The following RABGAP1L variants were observed in gnomAD, a reference collection of about 807,000 sequenced individuals.
RABGAP1L encodes the protein rab GTPase-activating protein 1-like.
In RABGAP1L, 63 loss-of-function variants were observed where a neutral mutation model predicts 137.7. The observed-to-expected ratio is 0.46, with a 90% CI of 0.37 to 0.56. RABGAP1L has a LOEUF of 0.56. Ranked by LOEUF, RABGAP1L falls within the 20% of genes least tolerant of loss-of-function variation. The pLI, the probability that RABGAP1L is intolerant of heterozygous loss-of-function variation, is 0.00. For missense variants in RABGAP1L, 1,095 were observed against 1,244.0 expected (o/e 0.88, Z 1.80); for synonymous variants, 431 against 433.7 (o/e 0.99, Z 0.08).
intron 10 of RABGAP1L, among the ~76,000 whole-genome samples, chr1:174,279,404 A>G (rs1220295263): frequency 2.0e-5 from 3 of 152,176 alleles, no homozygotes; most frequent in Admixed American, 6.5e-5. Context: ...AAATCAGGAT[A>G]AAAATGCTCT....
chr1:174,459,676 C>T (rs1462007599), intron 13 of RABGAP1L, among the ~76,000 whole-genome samples: 6 of 151,944 alleles, frequency 3.9e-5, no homozygotes, highest in Non-Finnish European at 5.9e-5. Context: ...AACACAGATG[C>T]GACCATCCAT....
At chr1:174,198,266 A>G (rs1223271204) in intron 1 of RABGAP1L, among the ~76,000 whole-genome samples, 1 of 152,174 alleles carries the variant, frequency 6.6e-6, no homozygotes, top group African/African-American at 2.4e-5. Flanking sequence ...TCCATAGTGT[A>G]TATGGTTTAG....
intron 19 of RABGAP1L, among the ~76,000 whole-genome samples, chr1:174,881,443 C>T: frequency 7.1e-6 from 1 of 141,152 alleles, no homozygotes; most frequent in African/African-American, 2.7e-5. Context: ...TTTGGTTCAT[C>T]TGGAAAAGTT....
intron 10 of RABGAP1L, among the ~76,000 whole-genome samples, chr1:174,292,343 TTTTTTTTTTTTTTTACTGC>T (rs1224512391): frequency 9.6e-5 from 14 of 146,530 alleles, no homozygotes; most frequent in African/African-American, 3.5e-4. Flanking sequence ...TTTTTTTTTT[TTTTTTTTTTTTTTTACTGC>T]TTTTTTCCTA....
At chr1:174,589,946 T>A (rs937853616) in intron 13 of RABGAP1L, among the ~76,000 whole-genome samples, 2 of 152,190 alleles carry the variant, frequency 1.3e-5, no homozygotes, top group African/African-American at 4.8e-5. Flanking sequence ...ATTCCAGGTC[T>A]TTCATGGGTT....
chr1:174,328,192 A>T (rs1032198817), intron 11 of RABGAP1L, among the ~76,000 whole-genome samples: 1 of 151,734 alleles, frequency 6.6e-6, no homozygotes, highest in Non-Finnish European at 1.5e-5. Flanking sequence ...CTCTATACCC[A>T]ATGGACCTAA....
chr1:174,434,146 CACACA>C (rs1558230256), intron 13 of RABGAP1L, among the ~76,000 whole-genome samples: 2 of 150,854 alleles, frequency 1.3e-5, no homozygotes, highest in African/African-American at 5.0e-5. Context: ...CACACACACA[CACACA>C]CCCTGCCTGG....
intron 13 of RABGAP1L, among the ~76,000 whole-genome samples, chr1:174,469,014 C>G (rs1657610304): frequency 6.6e-6 from 1 of 152,078 alleles, no homozygotes; most frequent in South Asian, 2.1e-4. Flanking sequence ...TTTCTAGATG[C>G]CATTAGCAAA....
chr1:174,443,297 A>T (rs2149236856), intron 13 of RABGAP1L, among the ~76,000 whole-genome samples: 1 of 152,214 alleles, frequency 6.6e-6, no homozygotes, highest in South Asian at 2.1e-4. Flanking sequence ...GAACTTCCAT[A>T]CTGTTTTCCA....
intron 1 of RABGAP1L, among the ~76,000 whole-genome samples, chr1:174,202,178 G>T (rs576400532): frequency 1.4e-4 from 21 of 152,070 alleles, no homozygotes; most frequent in African/African-American, 3.4e-4. Context: ...TAATGGGATG[G>T]CTGGGTCAAA....
chr1:174,778,016 A>G (rs1425497366), intron 18 of RABGAP1L, among the ~76,000 whole-genome samples: 1 of 152,084 alleles, frequency 6.6e-6, no homozygotes, highest in Non-Finnish European at 1.5e-5. Flanking sequence ...TCCAAATTTG[A>G]TGAAAATTTT....
chr1:174,757,170 C>A, intron 18 of RABGAP1L: 1 of 368,428 alleles, frequency 2.7e-6, no homozygotes, highest in Non-Finnish European at 5.5e-6. Context: ...TTCCTCCTGC[C>A]ACCTGGCTGC....
intron 18 of RABGAP1L, among the ~76,000 whole-genome samples, chr1:174,759,918 A>G (rs1685090483): frequency 6.6e-6 from 1 of 152,228 alleles, no homozygotes; most frequent in African/African-American, 2.4e-5. Flanking sequence ...CCTACCTTCA[A>G]CATTGGGGAT....
At chr1:174,699,042 T>C (rs557504608) in intron 15 of RABGAP1L, among the ~76,000 whole-genome samples, 1 of 152,044 alleles carries the variant, frequency 6.6e-6, no homozygotes, top group Non-Finnish European at 1.5e-5. Context: ...TCACCCATGC[T>C]GTAATGCAGT....
intron 11 of RABGAP1L, among the ~76,000 whole-genome samples, chr1:174,326,007 G>A (rs1397607081): frequency 6.6e-6 from 1 of 152,212 alleles, no homozygotes; most frequent in Non-Finnish European, 1.5e-5. Flanking sequence ...TCTAACCTGG[G>A]CTTAGGGTGC....
intron 19 of RABGAP1L, among the ~76,000 whole-genome samples, chr1:174,947,951 A>C (rs919575055): frequency 2.6e-5 from 4 of 152,056 alleles, no homozygotes; most frequent in African/African-American, 9.7e-5. Flanking sequence ...GTTGTTTGAA[A>C]CTCAGAATGG....
intron 18 of RABGAP1L, among the ~76,000 whole-genome samples, chr1:174,778,341 A>C (rs766096286): frequency 1.4e-4 from 22 of 152,228 alleles, no homozygotes; most frequent in Admixed American, 3.3e-4. Context: ...TAGACATACA[A>C]AAGCTAAAAG....
chr1:174,499,163 G>A (rs1280936619), intron 13 of RABGAP1L, among the ~76,000 whole-genome samples: 1 of 151,620 alleles, frequency 6.6e-6, no homozygotes, highest in Non-Finnish European at 1.5e-5. Flanking sequence ...TATGATATGG[G>A]GAGTGGCTTA....
rs58500594 is a variant in RABGAP1L at position 174,973,979 on chromosome 1, G to GTTTTTTTT, written c.2545-2079_2545-2072dup. On this transcript the variant is annotated intron_variant, in intron 21 of 25. Transcript: ENST00000681986. ...GAAATGAGCAGTACAATTGTTTTTT[G>GTTTTTTTT]TTTTTTTTTTTTTTTTTTTTTTTTT... 5.2e-4 allele frequency among the ~76,000 whole-genome samples: 45 copies of GTTTTTTTT among 85,814 alleles called. 1 individual carries two copies. The highest frequency in any genetic ancestry group is 9.8e-4 in the East Asian group (2 of 2,050). 56.3% of individuals were successfully genotyped at this position (85,814 alleles called of 152,430 possible). A position where few individuals can be genotyped will look rare whatever the true frequency, so the allele number is the denominator to read the frequency against.
Sources: gnomAD v4.1 joint callset for allele counts (sites outside exome capture counted in the v4.1 genomes callset) on GRCh38, gnomAD v4.1.1 for gene constraint, MANE v1.5 for transcripts, NCBI Gene and HGNC (gene_info 2026-07-23, HGNC 2026-07-21) for gene names.